The following ADARB1 variants were observed in gnomAD, a reference collection of about 807,000 sequenced individuals.
ADARB1 encodes double-stranded RNA-specific editase 1.
A neutral mutation model predicts 52.4 loss-of-function variants in ADARB1; 10 were observed. The ratio of observed to expected loss-of-function variants is 0.19; its 90% confidence interval spans 0.12 to 0.32. The LOEUF is 0.32. ADARB1 is among the 10% of genes least tolerant of loss of function. The probability of loss-of-function intolerance (pLI) is 1.00; values close to 1 mark genes in which losing one functional copy is unlikely to be tolerated. For missense variants in ADARB1, 643 were observed against 922.3 expected (o/e 0.70, Z 3.92); for synonymous variants, 349 against 371.1 (o/e 0.94, Z 0.68).
At position 45,176,280 on chromosome 21, in the gene ADARB1, C is replaced by T. The variant is rs1379004460; in HGVS notation, c.579C>T (p.Gly193=). The change falls in exon 4 of 11, where the codon GGC becomes GGT. Residue 193 remains glycine (G), a synonymous_variant. Coordinates refer to ENST00000348831, the MANE Select transcript of ADARB1 (RefSeq NM_001112.4). The surrounding 1 kb of genome is among the most constrained non-coding windows in gnomAD (Gnocchi z 5.8). ...AGGCGGAGCCTCCCTTTTACGTGGG[C>T]TCCAATGGGGATGACTCCTTCAGTT... ...PDKAEPPFYV[G]SNGDDSFSSS... The T allele has an allele frequency of 6.8e-6, 11 of 1,614,228 alleles. No homozygotes were observed. The highest frequency in any genetic ancestry group is 9.3e-6 in the Non-Finnish European group (11 of 1,180,024).
chr21:45,199,145 C>G (rs2092494332), intron 8 of ADARB1, among the ~76,000 whole-genome samples: 1 of 152,122 alleles, frequency 6.6e-6, no homozygotes, highest in African/African-American at 2.4e-5. Flanking sequence ...AAAATTAAGT[C>G]CAAAAATAGG....
intron 4 of ADARB1, among the ~76,000 whole-genome samples, chr21:45,179,642 C>T (rs74619412): frequency 1.2e-4 from 19 of 152,162 alleles, no homozygotes; most frequent in Admixed American, 1.1e-3. Flanking sequence ...AACGTCTAAG[C>T]GCTTTCCCTC....
chr21:45,167,658 G>C lies in ADARB1; in HGVS notation c.-47-3952G>C, dbSNP rs548202966. 9.9e-5 allele frequency among the ~76,000 whole-genome samples: 15 copies of C among 152,220 alleles called. No homozygotes were observed. The South Asian group carries it at 2.9e-3, about 30-fold the overall frequency. On this transcript the variant is annotated intron_variant, in intron 2 of 10. Coordinates refer to ENST00000348831, the MANE Select transcript of ADARB1 (RefSeq NM_001112.4). ...CCCAGCTACTCGGGAGGCTGAGGCA[G>C]GCAGCTTGAACCTGGGAGGTAGAGG...
intron 1 of ADARB1, among the ~76,000 whole-genome samples, chr21:45,086,681 A>G (rs775222961): frequency 2.6e-5 from 4 of 152,144 alleles, no homozygotes; most frequent in African/African-American, 4.8e-5. Flanking sequence ...TTTTAGTCGT[A>G]TTGGCGTAGC....
At chr21:45,126,012 T>C (rs1039890559) in intron 1 of ADARB1, among the ~76,000 whole-genome samples, 4 of 152,250 alleles carry the variant, frequency 2.6e-5, no homozygotes, top group African/African-American at 9.6e-5. Context: ...CTGTACATAA[T>C]CTTTTCTAGT....
rs944805018 is a variant in ADARB1 at position 45,224,049 on chromosome 21, G to A, written c.*1852G>A. 5.9e-5 allele frequency: 58 copies of A among 985,340 alleles called. No homozygotes were observed. Among genetic ancestry groups the A allele is most frequent in the Non-Finnish European group, 6.9e-5 (57 of 829,978 alleles). 61.0% of individuals were successfully genotyped at this position (985,340 alleles called of 1,614,324 possible). A position where few individuals can be genotyped will look rare whatever the true frequency, so the allele number is the denominator to read the frequency against. ...GGGGTTCTGCACCTGCAGAAGGAGA[G>A]GGGTCTGTTGTCGCTGGCTTTCCCC... is the stretch of plus-strand genomic sequence containing the variant. On this transcript the variant is annotated 3_prime_UTR_variant, in exon 11 of 11. Coordinates refer to ENST00000348831, the MANE Select transcript of ADARB1 (RefSeq NM_001112.4).
intron 9 of ADARB1, among the ~76,000 whole-genome samples, chr21:45,212,489 C>T (rs2092787943): frequency 6.6e-6 from 1 of 152,048 alleles, no homozygotes; most frequent in Non-Finnish European, 1.5e-5. Context: ...TGGTAAAAAC[C>T]ACCCCAGCAG....
At chr21:45,080,368 G>C (rs1367295467) in intron 1 of ADARB1, among the ~76,000 whole-genome samples, 1 of 152,234 alleles carries the variant, frequency 6.6e-6, no homozygotes, top group Admixed American at 6.5e-5. Context: ...TTGGAGCCAA[G>C]TCCTTGAGAA....
At position 45,176,203 on chromosome 21, in the gene ADARB1, G is replaced by A; in HGVS notation, c.502G>A (p.Asp168Asn). The A allele has an allele frequency of 6.2e-7, 1 of 1,614,164 alleles. No individual in the cohort carries two copies. Among genetic ancestry groups the A allele is most frequent in the Non-Finnish European group, 8.5e-7 (1 of 1,180,044 alleles). The change falls in exon 4 of 11, where the codon GAC becomes AAC. Residue 168 changes from aspartate to asparagine, a missense_variant. Physicochemically the swap from Asp to Asn is conservative, Grantham distance 23. This residue lies in a region of ADARB1 where 380 missense variants were observed against 446.5 expected (regional missense o/e 0.85). Transcript: ENST00000348831. The surrounding 1 kb of genome is among the most constrained non-coding windows in gnomAD (Gnocchi z 5.8). ...TLSVNTDFTS[D>N]QADFPDTLFN... is the part of the protein sequence containing the mutation. ...GTCTGTCAACACGGACTTCACATCT[G>A]ACCAGGCCGACTTCCCTGACACGCT...
chr21:45,193,605 T>C (rs879760518), intron 8 of ADARB1, among the ~76,000 whole-genome samples: 1 of 152,252 alleles, frequency 6.6e-6, no homozygotes, highest in Non-Finnish European at 1.5e-5. Context: ...CTGTCTTTAT[T>C]TGCAGACATA....
chr21:45,175,785 G>A lies in ADARB1; in HGVS notation c.84G>A (p.Lys28=). ...ENRNLDNVSP[K]DGSTPGPGEG... is the part of the protein sequence containing the mutation. ...GCAATCTGGACAACGTGTCCCCCAA[G>A]GATGGCAGCACACCTGGGCCTGGCG... The change falls in exon 4 of 11, where the codon AAG becomes AAA. Residue 28 remains lysine, a synonymous_variant. Coordinates refer to ENST00000348831, the MANE Select transcript of ADARB1 (RefSeq NM_001112.4). The A allele has an allele frequency of 5.6e-6, 9 of 1,614,214 alleles. No homozygotes were observed. The highest frequency in any genetic ancestry group is 7.6e-6 in the Non-Finnish European group (9 of 1,180,034).
chr21:45,209,511 G>A (rs1420239167), intron 9 of ADARB1, among the ~76,000 whole-genome samples: 1 of 152,172 alleles, frequency 6.6e-6, no homozygotes, highest in Non-Finnish European at 1.5e-5. Context: ...CCTGGCCCTT[G>A]CCTGTGTGCC....
At chr21:45,182,913 A>G (rs1037072600) in intron 6 of ADARB1, among the ~76,000 whole-genome samples, 160 bp downstream of exon 6, 9 of 152,212 alleles carry the variant, frequency 5.9e-5, no homozygotes, top group Admixed American at 1.3e-4. Context: ...TTCTTCCACA[A>G]TGCTCAACAC....
At chr21:45,115,911 T>C (rs1294423033) in intron 1 of ADARB1, among the ~76,000 whole-genome samples, 2 of 152,208 alleles carry the variant, frequency 1.3e-5, no homozygotes, top group Admixed American at 1.3e-4. Flanking sequence ...TGCTCATCTT[T>C]TAAGGGTATT....
At chr21:45,090,975 T>C (rs201346955) in intron 1 of ADARB1, among the ~76,000 whole-genome samples, 2,812 of 152,376 alleles carry the variant, frequency 0.018, 43 homozygotes, top group East Asian at 0.047. Context: ...TGATAACCTT[T>C]CTTAAATGTT....
chr21:45,084,425 A>G (rs1440855551), intron 1 of ADARB1, among the ~76,000 whole-genome samples: 1 of 152,200 alleles, frequency 6.6e-6, no homozygotes, highest in African/African-American at 2.4e-5. Context: ...CCTAGGCCTT[A>G]GGGGTTAAGC....
At chr21:45,095,202 G>A (rs1394088882) in intron 1 of ADARB1, among the ~76,000 whole-genome samples, 2 of 152,234 alleles carry the variant, frequency 1.3e-5, no homozygotes, top group Non-Finnish European at 2.9e-5. Flanking sequence ...TCAGTCTTCT[G>A]TGCAGGTCCC....
In ADARB1 at chr21:45,119,861, G is replaced by A. The variant is rs557330159; in HGVS notation, c.-219-8541G>A. Reference sequence around the variant, plus strand: ...TAAACTGCTGTGAACATGAGAAAATGGACATCGAAATGATAAAAGCAAGAG... The same window carrying A: ...TAAACTGCTGTGAACATGAGAAAATAGACATCGAAATGATAAAAGCAAGAG... On this transcript the variant is annotated intron_variant, in intron 1 of 10. Coordinates refer to ENST00000348831, the MANE Select transcript of ADARB1 (RefSeq NM_001112.4). Among the ~76,000 whole-genome samples the A allele has an allele frequency of 3.9e-5, 6 of 152,244 alleles. 1 individual carries two copies. In the South Asian group the frequency reaches 6.2e-4, roughly 16 times the overall value.
chr21:45,121,476 T>G (rs1569030663), intron 1 of ADARB1, among the ~76,000 whole-genome samples: 1 of 152,206 alleles, frequency 6.6e-6, no homozygotes. Context: ...TGTCCCCCTG[T>G]GCTCCCGCAT....
Sources: gnomAD v4.1 joint callset for allele counts (sites outside exome capture counted in the v4.1 genomes callset) on GRCh38, gnomAD v4.1.1 for gene constraint, gnomAD v4.1.1 regional missense constraint, Gnocchi (gnomAD v3.1) non-coding constraint, MANE v1.5 for transcripts, NCBI Gene and HGNC (gene_info 2026-07-23, HGNC 2026-07-21) for gene names.